ENTPD1: variants seen among roughly 807,000 people sequenced by gnomAD.
ENTPD1 encodes ATP diphosphohydrolase.
Under a neutral mutation model 57.0 loss-of-function variants are expected in ENTPD1, and 33 were observed. The observed-to-expected ratio is 0.58, with a 90% CI of 0.44 to 0.77. The LOEUF is 0.77. Ranked by LOEUF, ENTPD1 falls within the 30% of genes least tolerant of loss-of-function variation. The pLI, the probability that ENTPD1 is intolerant of heterozygous loss-of-function variation, is 0.00. For synonymous variants in ENTPD1, 202 were observed against 218.8 expected, an observed-to-expected ratio of 0.92 and a Z score of 0.68; for missense variants, 501 against 603.4, an observed-to-expected ratio of 0.83 and a Z score of 1.78.
chr10:95,839,807 A>T lies in ENTPD1; in HGVS notation c.261A>T (p.Lys87Asn). The change falls in exon 3 of 10, where the codon AAA (lysine) becomes AAT (asparagine). Residue 87 changes from lysine (K) to asparagine (N), a missense_variant and splice_region_variant. Physicochemically the swap from Lys to Asn is moderately conservative, Grantham distance 94. Transcript: ENST00000371205. ...VVHQVEECRV[K>N]GPGISKFVQK... ...ATCAAGTAGAAGAATGCAGGGTTAA[A>T]GGTAAGATGAAGACCAAGGGAAGGG... The T allele has an allele frequency of 6.2e-7, 1 of 1,614,076 alleles. No individual in the cohort carries two copies. The highest frequency in any genetic ancestry group is 8.5e-7 in the Non-Finnish European group (1 of 1,179,968).
intron 7 of ENTPD1, among the ~76,000 whole-genome samples, chr10:95,853,935 T>C (rs2098449910): frequency 6.6e-6 from 1 of 152,262 alleles, no homozygotes; most frequent in Admixed American, 6.5e-5. Flanking sequence ...ATCAGGATGA[T>C]GCTGGCCTCA....
rs758492832 is a variant in ENTPD1 at position 95,866,355 on chromosome 10, C to T, written c.1505C>T (p.Pro502Leu). 1 of 1,614,108 alleles carries T rather than the reference C, an allele frequency of 6.2e-7. No homozygotes were observed. The highest frequency in any genetic ancestry group is 8.5e-7 in the Non-Finnish European group (1 of 1,180,016). ...AIIGLLIFHKPSYFWKDMV is the reference protein window; with the variant it reads ...AIIGLLIFHKLSYFWKDMV ...ATAGGCTTGCTTATCTTTCACAAGC[C>T]TTCATATTTCTGGAAAGATATGGTA... Residue 502 changes from proline to leucine, a missense_variant, in exon 10 of 10, where the codon CCT (proline) becomes CTT (leucine). By Grantham distance (98) the Pro-to-Leu change is moderately conservative. Coordinates refer to ENST00000371205, the MANE Select transcript of ENTPD1 (RefSeq NM_001776.6).
intron 1 of ENTPD1, among the ~76,000 whole-genome samples, chr10:95,760,814 CTTTTTTTTTTTTTTTTTTT>C (rs71034350): frequency 1.6e-5 from 1 of 62,956 alleles, no homozygotes; most frequent in Non-Finnish European, 2.8e-5. Flanking sequence ...AGAGTTTATT[CTTTTTTTTTTTTTTTTTTT>C]TTTTTTTTTT....
chr10:95,708,283 G>A (rs1362561856), upstream of ENTPD1, among the ~76,000 whole-genome samples: 2 of 151,530 alleles, frequency 1.3e-5, no homozygotes, highest in East Asian at 1.9e-4. Flanking sequence ...CCGTGACCTC[G>A]GCTCACTACA....
chr10:95,824,062 A>G (rs1235603638), intron 2 of ENTPD1, among the ~76,000 whole-genome samples: 2 of 152,246 alleles, frequency 1.3e-5, no homozygotes, highest in Admixed American at 1.3e-4. Context: ...AATTTCAGAC[A>G]TGAATATCTC....
In ENTPD1 at chr10:95,864,724, A is replaced by AT; in HGVS notation, c.1190dup (p.Thr399AsnfsTer13). ...GATCTCCCCCTCACTTCACTTCTAG[A>AT]TAAAAACATCTTACGCTGGAGTAAA... is the stretch of plus-strand genomic sequence containing the variant. On this transcript the variant is annotated frameshift_variant and splice_region_variant, in exon 9 of 10. Coordinates refer to ENST00000371205, the MANE Select transcript of ENTPD1 (RefSeq NM_001776.6). LOFTEE classifies it high-confidence loss of function. 1 of 1,614,138 alleles carries AT rather than the reference A, an allele frequency of 6.2e-7. No individual in the cohort carries two copies. Among genetic ancestry groups the AT allele is most frequent in the Non-Finnish European group, 8.5e-7 (1 of 1,180,020 alleles).
chr10:95,694,287 A>C, the ENTPD1 span: 1 of 263,984 alleles, frequency 3.8e-6, no homozygotes, highest in South Asian at 3.9e-5. Flanking sequence ...CCGGAACTAG[A>C]ATTGCAAATT....
upstream of ENTPD1, among the ~76,000 whole-genome samples, chr10:95,752,671 A>T (rs1297908345): frequency 2.0e-5 from 3 of 152,182 alleles, no homozygotes; most frequent in African/African-American, 7.2e-5. Context: ...GTCTCAAAAA[A>T]AAAGTTACCA....
the ENTPD1 span, among the ~76,000 whole-genome samples, chr10:95,696,366 C>T: frequency 6.6e-6 from 1 of 152,116 alleles, no homozygotes; most frequent in Non-Finnish European, 1.5e-5. Flanking sequence ...CTGCAACCTC[C>T]ACCTCCCAGG....
At chr10:95,695,132 G>A in the ENTPD1 span, among the ~76,000 whole-genome samples, 37,119 of 151,876 alleles carry the variant, frequency 0.24, 5,848 homozygotes, top group Admixed American at 0.37. Context: ...TCGAATTCCT[G>A]ACCTCAAGTG....
Position 95,867,106 on chromosome 10 carries a change from C to A in ENTPD1, c.*723C>A. ...GATGTAAATATATGCATTCAAACATCAGGGCTTACTATGAGGTAGGTGGTA... is the reference window on the plus strand; with the variant it reads ...GATGTAAATATATGCATTCAAACATAAGGGCTTACTATGAGGTAGGTGGTA... On this transcript the variant is annotated 3_prime_UTR_variant, in exon 10 of 10. Coordinates refer to ENST00000371205, the MANE Select transcript of ENTPD1 (RefSeq NM_001776.6). 1 of 986,354 alleles carries A rather than the reference C, an allele frequency of 1.0e-6. No homozygotes were observed. Among genetic ancestry groups the A allele is most frequent in the Non-Finnish European group, 1.2e-6 (1 of 830,632 alleles). 61.1% of individuals were successfully genotyped at this position (986,354 alleles called of 1,614,324 possible). A position where few individuals can be genotyped will look rare whatever the true frequency, so the allele number is the denominator to read the frequency against.
intron 1 of ENTPD1, among the ~76,000 whole-genome samples, chr10:95,769,405 G>A (rs116384360): frequency 0.037 from 5,681 of 152,306 alleles, 130 homozygotes; most frequent in Non-Finnish European, 0.049. Flanking sequence ...GAACCAACAT[G>A]TACAAAGTCC....
chr10:95,764,580 T>C (rs896836563), intron 1 of ENTPD1, among the ~76,000 whole-genome samples: 7 of 152,204 alleles, frequency 4.6e-5, no homozygotes, highest in African/African-American at 1.7e-4. Context: ...ATAGCCTTCC[T>C]AATGAGTGTG....
chr10:95,854,268 C>T (rs1465748084), intron 7 of ENTPD1, among the ~76,000 whole-genome samples: 2 of 152,148 alleles, frequency 1.3e-5, no homozygotes, highest in Admixed American at 6.5e-5. Flanking sequence ...TCTGTGGGAT[C>T]GGTGGTGATA....
At chr10:95,851,317 ATT>A (rs1229051337) in intron 7 of ENTPD1, among the ~76,000 whole-genome samples, 1 of 151,560 alleles carries the variant, frequency 6.6e-6, no homozygotes, top group East Asian at 1.9e-4. Flanking sequence ...TATTTTTTTA[ATT>A]TTTTTTGAAA....
chr10:95,716,367 T>C (rs2097971511), intron 1 of ENTPD1, among the ~76,000 whole-genome samples: 1 of 152,230 alleles, frequency 6.6e-6, no homozygotes, highest in Admixed American at 6.5e-5. Flanking sequence ...TTGGTTCCTA[T>C]TTGTTCCTGC....
intron 1 of ENTPD1, among the ~76,000 whole-genome samples, chr10:95,770,943 A>G (rs1378267801): frequency 1.3e-5 from 2 of 152,180 alleles, no homozygotes; most frequent in Non-Finnish European, 2.9e-5. Flanking sequence ...ACAAAATTTA[A>G]AATATATAAA....
chr10:95,806,969 G>A (rs984586674), intron 1 of ENTPD1, among the ~76,000 whole-genome samples: 1 of 152,204 alleles, frequency 6.6e-6, no homozygotes, highest in African/African-American at 2.4e-5. Flanking sequence ...GGGGGTCAGG[G>A]ACCCACTTGA....
chr10:95,733,890 G>T (rs980539363), intron 1 of ENTPD1, among the ~76,000 whole-genome samples: 5 of 152,332 alleles, frequency 3.3e-5, no homozygotes, highest in Admixed American at 3.3e-4. Context: ...TAATAGGGAA[G>T]AATAAAGGGG....
Sources: allele counts gnomAD v4.1 joint callset (sites outside exome capture counted in the v4.1 genomes callset), GRCh38; gene constraint gnomAD v4.1.1; transcripts MANE v1.5; gene names NCBI Gene and HGNC (gene_info 2026-07-23, HGNC 2026-07-21).